TTC6: variants seen among roughly 807,000 people sequenced by gnomAD.
TTC6 encodes tetratricopeptide repeat protein 6.
TTC6 carries 172 observed loss-of-function variants against 210.4 expected under a neutral mutation model. The ratio of observed to expected loss-of-function variants is 0.82; its 90% CI spans 0.72 to 0.93. The LOEUF (loss-of-function observed/expected upper bound fraction) is 0.93. TTC6 is among the 40% of genes least tolerant of loss of function. The probability of loss-of-function intolerance (pLI) is 0.00; values close to 1 mark genes in which losing one functional copy is unlikely to be tolerated. For synonymous variants in TTC6, 804 were observed against 819.6 expected (o/e 0.98, Z 0.32); for missense variants, 2,414 against 2,318.1 (o/e 1.04, Z -0.85).
rs534156202 is a variant in TTC6 at position 37,640,611 on chromosome 14, C to T, written c.939+17608C>T. Among the ~76,000 whole-genome samples the T allele has an allele frequency of 5.8e-4, 88 of 152,084 alleles. 1 individual carries two copies. The highest frequency in any genetic ancestry group is 2.0e-3 in the African/African-American group (82 of 41,496). On this transcript the variant is annotated intron_variant, in intron 1 of 30. Transcript: ENST00000553443. ...AGGCTGGAGCACAATGTCACGATCT[C>T]GGCTCACTGCAACCTCAGCCTCCTG...
At chr14:37,716,296 A>C (rs1435765735) in intron 6 of TTC6, among the ~76,000 whole-genome samples, 1 of 152,154 alleles carries the variant, frequency 6.6e-6, no homozygotes, top group Admixed American at 6.5e-5. Flanking sequence ...GAAACAAAAG[A>C]AACCAGACAG....
chr14:37,721,083 A>C (rs2095860953), intron 6 of TTC6, among the ~76,000 whole-genome samples: 1 of 142,830 alleles, frequency 7.0e-6, no homozygotes, highest in African/African-American at 2.7e-5. Context: ...TCAGTGGAAC[A>C]GAAAAAAAAA....
At chr14:37,624,325 G>A (rs923782980) in intron 1 of TTC6, among the ~76,000 whole-genome samples, 2 of 152,134 alleles carry the variant, frequency 1.3e-5, no homozygotes, top group Non-Finnish European at 2.9e-5. Context: ...AACAAATCAG[G>A]GATGCCCAAT....
At chr14:37,615,709 T>C (rs996602053) in intron 2 of TTC6, among the ~76,000 whole-genome samples, 8 of 152,226 alleles carry the variant, frequency 5.3e-5, no homozygotes, top group Non-Finnish European at 8.8e-5. Flanking sequence ...AATGTCCTTT[T>C]CTAATAATCT....
chr14:37,711,729 T>A (rs2095845046), intron 5 of TTC6, among the ~76,000 whole-genome samples: 1 of 151,744 alleles, frequency 6.6e-6, no homozygotes, highest in Non-Finnish European at 1.5e-5. Context: ...GCAGAGGGGG[T>A]GACTGATAAC....
chr14:37,627,248 A>T (rs1401127772), intron 1 of TTC6, among the ~76,000 whole-genome samples: 1 of 151,778 alleles, frequency 6.6e-6, no homozygotes, highest in Non-Finnish European at 1.5e-5. Flanking sequence ...GAGCCTATTA[A>T]ACCTCTTTCC....
intron 29 of TTC6, among the ~76,000 whole-genome samples, chr14:37,840,882 T>C (rs2096208486): frequency 6.6e-6 from 1 of 151,578 alleles, no homozygotes; most frequent in Admixed American, 6.6e-5. Flanking sequence ...TTTTTTTTTT[T>C]TTTTGAGATG....
intron 4 of TTC6, among the ~76,000 whole-genome samples, chr14:37,698,294 A>G (rs1020309677): frequency 2.0e-5 from 3 of 152,180 alleles, no homozygotes; most frequent in Admixed American, 2.0e-4. Context: ...GCATATTGTT[A>G]TTTAGGTAAA....
exon 3 of TTC6, chr14:37,682,826 G>C: frequency 6.5e-7 from 1 of 1,535,618 alleles, no homozygotes; most frequent in Non-Finnish European, 8.7e-7. Flanking sequence ...ATATAGAATG[G>C]GGACCCTCAG....
rs1253894151 is a variant in TTC6 at position 37,609,309 on chromosome 14, G to A, written c.-155+2567G>A. Among the ~76,000 whole-genome samples the A allele has an allele frequency of 3.3e-5, 5 of 152,200 alleles. No individual in the cohort carries two copies. In the East Asian group the frequency reaches 7.7e-4, roughly 24 times the overall value. On this transcript the variant is annotated intron_variant, in intron 2 of 2. Transcript: ENST00000556845. ...TACACTCCTGTAGTTCCCGCTACTT[G>A]GGAGACTGAGGCAGGAGGATTGCTT...
In TTC6 at chr14:37,806,581, C is replaced by A; in HGVS notation, c.4314+71C>A. The A allele has an allele frequency of 2.2e-6, 3 of 1,362,272 alleles. No homozygotes were observed. The South Asian group carries it at 4.9e-5, about 22-fold the overall frequency. The allele number at this position is 1,362,272 out of a possible 1,614,324, so 84.4% of individuals were successfully genotyped here. A position where few individuals can be genotyped will look rare whatever the true frequency, so the allele number is the denominator to read the frequency against. ...GTAAAACTATTAAATCTTTTATGTG[C>A]CATTGTTATTAATTACCAACAATCA... On this transcript the variant is annotated intron_variant, in intron 22 of 30. Coordinates refer to ENST00000553443, the Ensembl canonical transcript of TTC6.
At chr14:37,708,040 A>G (rs1595133236) in intron 5 of TTC6, among the ~76,000 whole-genome samples, 2 of 152,126 alleles carry the variant, frequency 1.3e-5, no homozygotes, top group East Asian at 1.9e-4. Flanking sequence ...ACCTTTTCCT[A>G]TCGGGTTTTC....
intron 1 of TTC6, among the ~76,000 whole-genome samples, chr14:37,659,114 A>AT (rs556809415): frequency 1.8e-4 from 27 of 151,218 alleles, no homozygotes; most frequent in Middle Eastern, 6.9e-3. Flanking sequence ...TGATCTTATT[A>AT]TTTTTTTTTA....
chr14:37,667,720 G>C (rs2095750852), intron 1 of TTC6, among the ~76,000 whole-genome samples: 1 of 150,932 alleles, frequency 6.6e-6, no homozygotes, highest in African/African-American at 2.4e-5. Flanking sequence ...TATTTCCACT[G>C]TCTGTGCCTT....
At chr14:37,747,512 A>G (rs2095939704) in intron 10 of TTC6, among the ~76,000 whole-genome samples, 1 of 152,222 alleles carries the variant, frequency 6.6e-6, no homozygotes, top group South Asian at 2.1e-4. Context: ...TTGTATAGTA[A>G]TGGTTTTCTT....
At chr14:37,745,731 C>T (rs1007469862) in intron 10 of TTC6, among the ~76,000 whole-genome samples, 1 of 152,088 alleles carries the variant, frequency 6.6e-6, no homozygotes, top group East Asian at 1.9e-4. Context: ...AAGGTCAGAG[C>T]CAGTATGTAA....
At chr14:37,729,629 C>T (rs2095880850) in intron 7 of TTC6, among the ~76,000 whole-genome samples, 1 of 152,174 alleles carries the variant, frequency 6.6e-6, no homozygotes, top group Non-Finnish European at 1.5e-5. Context: ...TGGTCTGAAG[C>T]TCTTTCTACC....
intron 10 of TTC6, among the ~76,000 whole-genome samples, chr14:37,743,043 T>C (rs1468625887): frequency 3.9e-5 from 6 of 152,240 alleles, no homozygotes; most frequent in Admixed American, 2.0e-4. Flanking sequence ...TCTGTTTCCT[T>C]AAATTGTCTT....
At chr14:37,674,700 G>A (rs1290603066) in intron 1 of TTC6, among the ~76,000 whole-genome samples, 1 of 152,044 alleles carries the variant, frequency 6.6e-6, no homozygotes, top group Non-Finnish European at 1.5e-5. Context: ...ATCATTGTAT[G>A]TTTTTACATT....
Sources: allele counts gnomAD v4.1 joint callset (sites outside exome capture counted in the v4.1 genomes callset), GRCh38; gene constraint gnomAD v4.1.1; transcripts MANE v1.5; gene names NCBI Gene and HGNC (gene_info 2026-07-23, HGNC 2026-07-21).